Variants in CCN4 observed in about 807,000 individuals in gnomAD.
The protein encoded by CCN4 is cellular communication network factor 4, also known as CCN family member 4.
A neutral mutation model predicts 36.7 loss-of-function variants in CCN4; 30 were observed. The ratio of observed to expected loss-of-function variants is 0.82; its 90% CI spans 0.61 to 1.11. The LOEUF is 1.11. Ranked by LOEUF, CCN4 falls within the 50% of genes least tolerant of loss-of-function variation. CCN4 has a pLI of 0.00. For missense variants in CCN4, 505 were observed against 504.9 expected (o/e 1.00, Z 0.00); for synonymous variants, 191 against 195.4 (o/e 0.98, Z 0.19).
chr8:133,221,396 G>A (rs1378743750), intron 3 of CCN4, among the ~76,000 whole-genome samples: 1 of 152,232 alleles, frequency 6.6e-6, no homozygotes, highest in Non-Finnish European at 1.5e-5. Flanking sequence ...ATTAATGTTT[G>A]TCATACTGAT....
chr8:133,213,347 CT>C (rs1854137836), intron 2 of CCN4, among the ~76,000 whole-genome samples: 1 of 152,160 alleles, frequency 6.6e-6, no homozygotes, highest in Admixed American at 6.5e-5. Flanking sequence ...GCCTCCAGAA[CT>C]TTGCTTCTTG....
chr8:133,201,662 T>C (rs1196293195), intron 1 of CCN4, among the ~76,000 whole-genome samples: 1 of 151,984 alleles, frequency 6.6e-6, no homozygotes, highest in Non-Finnish European at 1.5e-5. Flanking sequence ...GCCAACATGG[T>C]GAAACCCCAT....
intron 1 of CCN4, among the ~76,000 whole-genome samples, chr8:133,205,427 C>T (rs772701393): frequency 1.2e-4 from 18 of 152,316 alleles, no homozygotes; most frequent in East Asian, 1.9e-4. Flanking sequence ...CCTTGACTTA[C>T]GATCTTTTCT....
chr8:133,222,027 G>A (rs1854552223), intron 3 of CCN4, among the ~76,000 whole-genome samples: 1 of 150,696 alleles, frequency 6.6e-6, no homozygotes, highest in African/African-American at 2.4e-5. Context: ...GAATGGATGG[G>A]TGGATGAATA....
chr8:133,224,540 A>G (rs547131874), intron 3 of CCN4, among the ~76,000 whole-genome samples: 1 of 152,096 alleles, frequency 6.6e-6, no homozygotes, highest in Non-Finnish European at 1.5e-5. Flanking sequence ...TGCCCTCGGC[A>G]TCACTGCGAC....
chr8:133,224,548 G>A (rs571911953), intron 3 of CCN4, among the ~76,000 whole-genome samples: 4 of 152,186 alleles, frequency 2.6e-5, no homozygotes, highest in South Asian at 4.1e-4. Context: ...GCATCACTGC[G>A]ACAAAATGTT....
In CCN4 at chr8:133,229,479, GA is replaced by G. The variant is rs1325097570; in HGVS notation, c.*1771del. On this transcript the variant is annotated 3_prime_UTR_variant, in exon 5 of 5. Coordinates refer to ENST00000250160, the MANE Select transcript of CCN4 (RefSeq NM_003882.4). ...GTAGCTTATTCCCTCTTTCCCATCG[GA>G]ACCAGCTCTCATCACACATTTAAAA... 2 of 152,152 alleles carry G rather than the reference GA, an allele frequency of 1.3e-5. No homozygotes were observed. Among genetic ancestry groups the G allele is most frequent in the Non-Finnish European group, 2.9e-5 (2 of 68,048 alleles). The allele number at this position is 152,152 out of a possible 1,614,324, so 9.4% of individuals were successfully genotyped here. A position where few individuals can be genotyped will look rare whatever the true frequency, so the allele number is the denominator to read the frequency against.
Position 133,229,374 on chromosome 8 carries a change from C to T in CCN4, c.*1664C>T, listed in dbSNP as rs559795467. 6.6e-5 allele frequency: 10 copies of T among 152,246 alleles called. No homozygotes were observed. The South Asian group carries it at 8.3e-4, about 13-fold the overall frequency. The allele number at this position is 152,246 out of a possible 1,614,324, so 9.4% of individuals were successfully genotyped here. ...GTCTTTCTAGCTCCTTTTCAAAAGA[C>T]GAGAATATCTGATTTTCTGATAATT... On this transcript the variant is annotated 3_prime_UTR_variant, in exon 5 of 5. Coordinates refer to ENST00000250160, the MANE Select transcript of CCN4 (RefSeq NM_003882.4).
At chr8:133,202,933 AG>A (rs981525148) in intron 1 of CCN4, among the ~76,000 whole-genome samples, 3 of 152,242 alleles carry the variant, frequency 2.0e-5, no homozygotes, top group African/African-American at 7.2e-5. Context: ...GGCACCGGCC[AG>A]GCCTGTATTC....
chr8:133,214,070 C>A (rs909699235), intron 2 of CCN4, among the ~76,000 whole-genome samples: 6 of 232 alleles, frequency 0.026, no homozygotes, highest in South Asian at 0.17. Flanking sequence ...ACTATATATA[C>A]ACTATATATA....
At chr8:133,199,685 C>T (rs1210368641) in intron 1 of CCN4, among the ~76,000 whole-genome samples, 1 of 152,154 alleles carries the variant, frequency 6.6e-6, no homozygotes, top group Non-Finnish European at 1.5e-5. Context: ...TTAAATCTGT[C>T]GCCTACATAC....
At chr8:133,200,545 A>G (rs549201942) in intron 1 of CCN4, among the ~76,000 whole-genome samples, 1 of 152,334 alleles carries the variant, frequency 6.6e-6, no homozygotes, top group Non-Finnish European at 1.5e-5. Flanking sequence ...CCTCGGTTAC[A>G]TATGGTTATT....
intron 1 of CCN4, among the ~76,000 whole-genome samples, chr8:133,194,444 T>G (rs1360836999): frequency 1.3e-4 from 4 of 30,526 alleles, no homozygotes; most frequent in Non-Finnish European, 2.0e-4. Flanking sequence ...GTGTGTGTGG[T>G]GTGTGTGTGG....
chr8:133,211,497 C>T (rs1854030571), intron 1 of CCN4, among the ~76,000 whole-genome samples: 1 of 152,204 alleles, frequency 6.6e-6, no homozygotes, highest in Non-Finnish European at 1.5e-5. Context: ...ACTGTGTCAT[C>T]CTGGGAGTGT....
intron 1 of CCN4, among the ~76,000 whole-genome samples, chr8:133,194,595 G>GGT (rs1344532569): frequency 1.6e-5 from 2 of 123,918 alleles, no homozygotes; most frequent in Admixed American, 8.0e-5. Context: ...GGGTGTGTGG[G>GGT]GTGTGTGTGT....
intron 1 of CCN4, among the ~76,000 whole-genome samples, chr8:133,194,595 GGT>G (rs1344532569): frequency 6.4e-4 from 79 of 124,002 alleles, no homozygotes; most frequent in Non-Finnish European, 1.2e-3. Flanking sequence ...GGGTGTGTGG[GGT>G]GTGTGTGTGT....
chr8:133,209,917 G>A (rs1034578144), intron 1 of CCN4, among the ~76,000 whole-genome samples: 2 of 152,214 alleles, frequency 1.3e-5, no homozygotes, highest in African/African-American at 4.8e-5. Flanking sequence ...GGAATGCTGA[G>A]GCTCAGAAAG....
At chr8:133,224,661 G>A (rs891117593) in intron 3 of CCN4, among the ~76,000 whole-genome samples, 7 of 152,138 alleles carry the variant, frequency 4.6e-5, no homozygotes, top group African/African-American at 1.2e-4. Flanking sequence ...CTGGTCAGGC[G>A]TGGTGGCTTA....
At chr8:133,202,269 G>A (rs924255711) in intron 1 of CCN4, among the ~76,000 whole-genome samples, 7 of 152,226 alleles carry the variant, frequency 4.6e-5, no homozygotes, top group Admixed American at 3.9e-4. Flanking sequence ...TTATCATATA[G>A]TGGGCAGGCC....
Sources: allele counts gnomAD v4.1 joint callset (sites outside exome capture counted in the v4.1 genomes callset), GRCh38; gene constraint gnomAD v4.1.1; transcripts MANE v1.5; gene names NCBI Gene and HGNC (gene_info 2026-07-23, HGNC 2026-07-21).